Variants in SLC41A2 observed in about 807,000 individuals in gnomAD.
SLC41A2 encodes the protein solute carrier family 41 member 2, also known as SLC41A1-like 1.
Under a neutral mutation model 58.3 loss-of-function variants are expected in SLC41A2, and 32 were observed. That is an observed-to-expected ratio of 0.55 (90% CI 0.41 to 0.74). The LOEUF is 0.74. SLC41A2 is among the 30% of genes least tolerant of loss of function. The probability of loss-of-function intolerance (pLI) is 0.00; values close to 1 mark genes in which losing one functional copy is unlikely to be tolerated. For synonymous variants in SLC41A2, 190 were observed against 235.0 expected (o/e 0.81, Z 1.75); for missense variants, 514 against 680.6 (o/e 0.76, Z 2.72).
At chr12:104,884,240 C>A (rs903595543) in intron 6 of SLC41A2, among the ~76,000 whole-genome samples, 2 of 152,148 alleles carry the variant, frequency 1.3e-5, no homozygotes, top group African/African-American at 4.8e-5. Context: ...TTCCAGGTAC[C>A]ATCTGTCACA....
intron 1 of SLC41A2, among the ~76,000 whole-genome samples, chr12:104,942,095 G>A (rs2047531689): frequency 6.6e-6 from 1 of 151,928 alleles, no homozygotes; most frequent in Admixed American, 6.6e-5. Context: ...AAAAAAAAGA[G>A]GTATATTTAT....
At chr12:104,821,199 C>T (rs1358071396) in intron 10 of SLC41A2, among the ~76,000 whole-genome samples, 5 of 151,928 alleles carry the variant, frequency 3.3e-5, no homozygotes, top group Admixed American at 3.3e-4. Context: ...ATGTATTTTA[C>T]ATTACATATA....
chr12:104,912,821 A>G (rs1334653397), intron 2 of SLC41A2, among the ~76,000 whole-genome samples: 1 of 152,076 alleles, frequency 6.6e-6, no homozygotes, highest in East Asian at 1.9e-4. Context: ...ATCTGATGCT[A>G]CCTCTGGATA....
At chr12:104,809,767 T>C (rs2041091016) in intron 10 of SLC41A2, among the ~76,000 whole-genome samples, 1 of 152,018 alleles carries the variant, frequency 6.6e-6, no homozygotes, top group South Asian at 2.1e-4. Context: ...ATAAGAGCCT[T>C]GGTTTGGGGG....
intron 10 of SLC41A2, among the ~76,000 whole-genome samples, chr12:104,812,545 G>A (rs1224682125): frequency 6.6e-6 from 1 of 152,108 alleles, no homozygotes; most frequent in Non-Finnish European, 1.5e-5. Flanking sequence ...TTTAAGTAAT[G>A]CATGCACTCA....
intron 8 of SLC41A2, among the ~76,000 whole-genome samples, chr12:104,853,911 A>ATTATTATTATTATTATTATTTT: frequency 1.7e-5 from 1 of 59,494 alleles, no homozygotes. Context: ...TGCCTGGCTG[A>ATTATTATTATTATTATTATTTT]TTTTTTTTTT....
chr12:104,936,222 T>C (rs2047263678), intron 1 of SLC41A2, among the ~76,000 whole-genome samples: 1 of 152,178 alleles, frequency 6.6e-6, no homozygotes, highest in Non-Finnish European at 1.5e-5. Context: ...CCAATGATAA[T>C]AAATAATGAT....
chr12:104,816,724 TA>T (rs2041421240), intron 10 of SLC41A2, among the ~76,000 whole-genome samples: 1 of 152,186 alleles, frequency 6.6e-6, no homozygotes, highest in Non-Finnish European at 1.5e-5. Flanking sequence ...AAGTCTCCCC[TA>T]AAAATTTACA....
At chr12:104,906,404 G>C (rs1198015305) in intron 3 of SLC41A2, among the ~76,000 whole-genome samples, 1 of 151,370 alleles carries the variant, frequency 6.6e-6, no homozygotes, top group Non-Finnish European at 1.5e-5. Flanking sequence ...ATGGGGCCTG[G>C]TGTATGTGTG....
intron 10 of SLC41A2, among the ~76,000 whole-genome samples, chr12:104,841,532 T>C (rs1395157113): frequency 6.6e-6 from 1 of 151,976 alleles, no homozygotes; most frequent in Non-Finnish European, 1.5e-5. Context: ...ACAGACACAA[T>C]AAATATTATA....
At chr12:104,848,981 T>G (rs964096906) in intron 8 of SLC41A2, among the ~76,000 whole-genome samples, 1 of 152,016 alleles carries the variant, frequency 6.6e-6, no homozygotes, top group African/African-American at 2.4e-5. Context: ...CTATCGACTT[T>G]TAATAAGTAG....
At chr12:104,933,597 T>C (rs2047151027) in intron 1 of SLC41A2, among the ~76,000 whole-genome samples, 1 of 152,080 alleles carries the variant, frequency 6.6e-6, no homozygotes, top group African/African-American at 2.4e-5. Context: ...TATCTGTTTA[T>C]TACAGCACAA....
rs141349039 is a variant in SLC41A2 at position 104,883,724 on chromosome 12, G to T, written c.1027+2569C>A. On this transcript the variant is annotated intron_variant, in intron 6 of 10. Coordinates refer to ENST00000258538, the MANE Select transcript of SLC41A2 (RefSeq NM_001352171.3). ...TTCCTCTGGAAGTTTCATCTCAGAG[G>T]GACACCCGGCTGTATGAGGTGTCAG... Among the ~76,000 whole-genome samples the T allele has an allele frequency of 6.3e-3, 966 of 152,280 alleles. 9 individuals carry two copies. Among genetic ancestry groups the T allele is most frequent in the African/African-American group, 0.022 (924 of 41,542 alleles).
At chr12:104,888,182 T>C (rs143544361) in intron 5 of SLC41A2, among the ~76,000 whole-genome samples, 2 of 152,046 alleles carry the variant, frequency 1.3e-5, no homozygotes, top group African/African-American at 4.8e-5. Context: ...AGTAATTCTT[T>C]ATGAAGACAA....
At chr12:104,830,614 G>A (rs961179646) in intron 10 of SLC41A2, among the ~76,000 whole-genome samples, 2 of 152,046 alleles carry the variant, frequency 1.3e-5, no homozygotes, top group African/African-American at 2.4e-5. Flanking sequence ...TTGGAAAGTA[G>A]GGGAGATGAT....
Position 104,928,681 on chromosome 12 carries a change from C to A in SLC41A2, c.-154G>T. On this transcript the variant is annotated 5_prime_UTR_variant, in exon 2 of 11. Transcript: ENST00000258538. Reference sequence around the variant, plus strand: ...TAATAAAAGATGTTCAGAAGTTCCACAGAAGGACTGGATCTGGAAAAATAA... The same window carrying A: ...TAATAAAAGATGTTCAGAAGTTCCAAAGAAGGACTGGATCTGGAAAAATAA... The A allele has an allele frequency of 2.2e-6, 1 of 451,022 alleles. No individual in the cohort carries two copies. The highest frequency in any genetic ancestry group is 3.9e-6 in the Non-Finnish European group (1 of 259,550). 27.9% of individuals were successfully genotyped at this position (451,022 alleles called of 1,614,324 possible).
intron 10 of SLC41A2, among the ~76,000 whole-genome samples, chr12:104,821,624 G>A: frequency 6.6e-6 from 1 of 152,320 alleles, no homozygotes; most frequent in East Asian, 1.9e-4. Flanking sequence ...TATTCAGTAT[G>A]ATTCAATTTT....
intron 1 of SLC41A2, among the ~76,000 whole-genome samples, chr12:104,943,371 G>A (rs570714979): frequency 6.6e-6 from 1 of 152,054 alleles, no homozygotes; most frequent in African/African-American, 2.4e-5. Flanking sequence ...TGGATGCCCT[G>A]GAGTCTCCCC....
intron 6 of SLC41A2, among the ~76,000 whole-genome samples, chr12:104,884,401 A>T (rs918167110): frequency 6.6e-6 from 1 of 152,196 alleles, no homozygotes; most frequent in Non-Finnish European, 1.5e-5. Context: ...TTGGAAATGC[A>T]GAAATCACCC....
Sources: allele counts gnomAD v4.1 joint callset (sites outside exome capture counted in the v4.1 genomes callset), GRCh38; gene constraint gnomAD v4.1.1; transcripts MANE v1.5; gene names NCBI Gene and HGNC (gene_info 2026-07-23, HGNC 2026-07-21).